Variants in CSMD1 observed in about 807,000 individuals in gnomAD.
CSMD1 encodes CUB and sushi domain-containing protein 1.
A neutral mutation model predicts 417.5 loss-of-function variants in CSMD1; 213 were observed. The ratio of observed to expected loss-of-function variants is 0.51; its 90% CI spans 0.46 to 0.57. The LOEUF is 0.57. Among genes scored for constraint, CSMD1 ranks in the 20% least tolerant of loss-of-function variants. The pLI is 0.00. For synonymous variants in CSMD1, 2,862 were observed against 1,736.8 expected (o/e 1.65, Z -16.11); for missense variants, 6,923 against 4,529.7 (o/e 1.53, Z -15.17).
At chr8:4,421,982 G>A (rs965093875) in intron 2 of CSMD1, among the ~76,000 whole-genome samples, 1 of 151,920 alleles carries the variant, frequency 6.6e-6, no homozygotes, top group African/African-American at 2.4e-5. Flanking sequence ...TATGAACTCA[G>A]AATTCATCAT....
intron 2 of CSMD1, among the ~76,000 whole-genome samples, chr8:4,453,534 C>G (rs943894121): frequency 6.6e-6 from 1 of 152,204 alleles, no homozygotes; most frequent in Non-Finnish European, 1.5e-5. Flanking sequence ...CTGCAGAGAA[C>G]ACAGCCGACA....
chr8:4,032,927 C>CTGT (rs1220399179), intron 3 of CSMD1, among the ~76,000 whole-genome samples: 3 of 152,026 alleles, frequency 2.0e-5, no homozygotes, highest in African/African-American at 7.2e-5. Flanking sequence ...ACTCTCTTCC[C>CTGT]TGTTGGAATT....
At chr8:4,691,668 A>G (rs1806777037) in intron 1 of CSMD1, among the ~76,000 whole-genome samples, 1 of 152,190 alleles carries the variant, frequency 6.6e-6, no homozygotes, top group Admixed American at 6.5e-5. Flanking sequence ...AGTGAAAGGA[A>G]CATCTACCTG....
chr8:4,931,431 T>C (rs1018699699), intron 1 of CSMD1, among the ~76,000 whole-genome samples: 2 of 152,204 alleles, frequency 1.3e-5, no homozygotes, highest in African/African-American at 4.8e-5. Flanking sequence ...TGGTTACCTT[T>C]AGTTGCCAAT....
At chr8:4,247,813 C>G (rs1203910722) in intron 3 of CSMD1, among the ~76,000 whole-genome samples, 1 of 152,128 alleles carries the variant, frequency 6.6e-6, no homozygotes, top group Non-Finnish European at 1.5e-5. Flanking sequence ...AAAGCAAGTG[C>G]TTAAGTTCAC....
chr8:3,355,621 G>C (rs908273342), intron 21 of CSMD1, among the ~76,000 whole-genome samples: 2 of 152,120 alleles, frequency 1.3e-5, no homozygotes, highest in African/African-American at 4.8e-5. Flanking sequence ...CTACAGCACT[G>C]TATGTGATGA....
intron 1 of CSMD1, among the ~76,000 whole-genome samples, chr8:4,667,661 C>T (rs1805024899): frequency 6.6e-6 from 1 of 152,086 alleles, no homozygotes; most frequent in Admixed American, 6.5e-5. Flanking sequence ...TAATTTTCTT[C>T]AGTGATTGTT....
At chr8:4,546,707 C>G (rs1198902141) in intron 2 of CSMD1, among the ~76,000 whole-genome samples, 2 of 151,896 alleles carry the variant, frequency 1.3e-5, no homozygotes, top group East Asian at 1.9e-4. Flanking sequence ...GACGTCTCCG[C>G]CTTCATAATC....
chr8:3,550,753 C>T (rs1332183350), intron 10 of CSMD1, among the ~76,000 whole-genome samples: 1 of 152,162 alleles, frequency 6.6e-6, no homozygotes, highest in Non-Finnish European at 1.5e-5. Flanking sequence ...CATGGCCAAC[C>T]AGGCTTGCAC....
chr8:3,970,995 C>T (rs1813045609), intron 5 of CSMD1, among the ~76,000 whole-genome samples: 1 of 152,142 alleles, frequency 6.6e-6, no homozygotes, highest in East Asian at 1.9e-4. Context: ...AGGTGATCCC[C>T]CCGCCTCAGA....
intron 1 of CSMD1, among the ~76,000 whole-genome samples, chr8:4,919,319 G>C (rs1444147785): frequency 6.6e-6 from 1 of 152,136 alleles, no homozygotes; most frequent in Non-Finnish European, 1.5e-5. Context: ...AGATGTAAAT[G>C]TTAAATTCTT....
chr8:4,978,678 C>T (rs978584775), intron 1 of CSMD1, among the ~76,000 whole-genome samples: 8 of 152,214 alleles, frequency 5.3e-5, no homozygotes, highest in Non-Finnish European at 1.0e-4. Flanking sequence ...TGGCTCATTC[C>T]TGTAATCCCA....
At chr8:3,951,452 T>G (rs1323650036) in intron 5 of CSMD1, among the ~76,000 whole-genome samples, 2 of 152,224 alleles carry the variant, frequency 1.3e-5, no homozygotes, top group Non-Finnish European at 2.9e-5. Context: ...TGTAGAGTGC[T>G]GTATTTTCCT....
At chr8:4,149,484 C>G (rs958086598) in intron 3 of CSMD1, among the ~76,000 whole-genome samples, 4 of 152,178 alleles carry the variant, frequency 2.6e-5, no homozygotes, top group African/African-American at 7.2e-5. Flanking sequence ...TGAAGGATTA[C>G]TCTATCTGGA....
chr8:3,999,523 G>C (rs756658299), intron 4 of CSMD1, among the ~76,000 whole-genome samples: 1 of 152,316 alleles, frequency 6.6e-6, no homozygotes, highest in Non-Finnish European at 1.5e-5. Context: ...GCAACAGTAA[G>C]AGGGTGATAT....
intron 57 of CSMD1, among the ~76,000 whole-genome samples, chr8:2,968,552 C>T (rs946452674): frequency 6.6e-6 from 1 of 152,180 alleles, no homozygotes; most frequent in Non-Finnish European, 1.5e-5. Flanking sequence ...AAATATTGTA[C>T]TGTGGAAAGT....
At chr8:4,524,569 C>CTTTT (rs35453060) in intron 2 of CSMD1, among the ~76,000 whole-genome samples, 2 of 117,928 alleles carry the variant, frequency 1.7e-5, no homozygotes, top group South Asian at 2.8e-4. Context: ...CACACTTGGT[C>CTTTT]TTTTTTTTTT....
intron 1 of CSMD1, among the ~76,000 whole-genome samples, chr8:4,652,640 G>T (rs567248108): frequency 1.4e-4 from 21 of 151,818 alleles, no homozygotes; most frequent in Non-Finnish European, 2.4e-4. Context: ...GACAGAGAGA[G>T]ACTCTGTCTC....
rs375955156 is a variant in CSMD1, at chr8:2,978,727, A to T, written c.8451T>A (p.Phe2817Leu). The T allele has an allele frequency of 6.2e-7, 1 of 1,613,322 alleles. No homozygotes were observed. The highest frequency in any genetic ancestry group is 1.3e-5 in the African/African-American group (1 of 74,922). ...GGTACAGGATACTCATTCCATACTCAAAACTCTCAGGGAAGTTCTGTTGCC... is the reference window on the plus strand; with the variant it reads ...GGTACAGGATACTCATTCCATACTCTAAACTCTCAGGGAAGTTCTGTTGCC... ...RHGQQNFPESFEYGMSILYHC... is the reference protein window; with the variant it reads ...RHGQQNFPESLEYGMSILYHC... The change falls in exon 55 of 70, where the codon TTT (phenylalanine) becomes TTA (leucine). Residue 2817 changes from phenylalanine to leucine, a missense_variant. Coordinates refer to ENST00000635120, the MANE Select transcript of CSMD1 (RefSeq NM_033225.6).
Sources: gnomAD v4.1 joint callset for allele counts (sites outside exome capture counted in the v4.1 genomes callset) on GRCh38, gnomAD v4.1.1 for gene constraint, MANE v1.5 for transcripts, NCBI Gene and HGNC (gene_info 2026-07-23, HGNC 2026-07-21) for gene names.